Variants in HEATR1 observed in about 807,000 individuals in gnomAD.
HEATR1 encodes the protein HEAT repeat-containing protein 1.
A neutral mutation model predicts 248.2 loss-of-function variants in HEATR1; 77 were observed. That is an observed-to-expected ratio of 0.31 (90% CI 0.26 to 0.37). HEATR1 has a LOEUF of 0.37. HEATR1 is among the 10% of genes least tolerant of loss of function. HEATR1 has a pLI of 1.00. For missense variants in HEATR1, 2,420 were observed against 2,504.9 expected, an observed-to-expected ratio of 0.97 and a Z score of 0.72; for synonymous variants, 897 against 923.1, an observed-to-expected ratio of 0.97 and a Z score of 0.51.
chr1:236,593,755 T>C (rs1272799855), intron 9 of HEATR1, among the ~76,000 whole-genome samples: 3 of 152,198 alleles, frequency 2.0e-5, no homozygotes, highest in African/African-American at 2.4e-5. Context: ...GGCCACAAAC[T>C]GCATTTAGTT....
At chr1:236,592,164 A>G in intron 10 of HEATR1, 54 bp from the exon 11 acceptor site, 1 of 860,474 alleles carries the variant, frequency 1.2e-6, no homozygotes, top group Non-Finnish European at 1.9e-6. Context: ...TATTAATCTC[A>G]TACACCATAC....
At chr1:236,601,614 T>C (rs541305144) in intron 3 of HEATR1, among the ~76,000 whole-genome samples, 2 of 151,856 alleles carry the variant, frequency 1.3e-5, no homozygotes, top group South Asian at 2.1e-4. Context: ...CAGACCAGCC[T>C]GGGCAACAAA....
In HEATR1 at chr1:236,564,656, T is replaced by A. The variant is rs1012986973; in HGVS notation, c.4441A>T (p.Ile1481Phe). 4.7e-5 allele frequency: 75 copies of A among 1,610,036 alleles called. No homozygotes were observed. The highest frequency in any genetic ancestry group is 5.2e-5 in the Non-Finnish European group (61 of 1,178,938). The change falls in exon 32 of 45, where the codon ATT (isoleucine) becomes TTT (phenylalanine). Residue 1481 changes from isoleucine (I) to phenylalanine (F), a missense_variant. Physicochemically the swap from Ile to Phe is conservative, Grantham distance 21 (BLOSUM62 0). Transcript: ENST00000366582. ...TTATTAAATGACACTGCTTTGGGAATGGTTTCTGAAACAGCAATAAAACAA... is the reference window on the plus strand; with the variant it reads ...TTATTAAATGACACTGCTTTGGGAAAGGTTTCTGAAACAGCAATAAAACAA... ...LKLPEEKEET[I>F]PKAVSFNKSE...
chr1:236,574,383 T>C, intron 23 of HEATR1, 50 bp from the exon 24 acceptor site: 1 of 1,552,832 alleles, frequency 6.4e-7, no homozygotes, highest in Non-Finnish European at 8.7e-7. Flanking sequence ...AAGTTTAAAT[T>C]CCAGAAATAA....
intron 6 of HEATR1, 78 bp downstream of exon 6, chr1:236,596,758 A>T (rs1664187097): frequency 2.9e-6 from 4 of 1,374,070 alleles, no homozygotes; most frequent in African/African-American, 2.9e-5. Flanking sequence ...AAAAACACTT[A>T]AATCTAAAAA....
chr1:236,597,626 G>A (rs995829757), intron 5 of HEATR1, among the ~76,000 whole-genome samples: 1 of 151,374 alleles, frequency 6.6e-6, no homozygotes, highest in Non-Finnish European at 1.5e-5. Context: ...AATAGTCACT[G>A]TAACTAGAAT....
At chr1:236,576,697 A>G (rs2103138006) in intron 21 of HEATR1, 83 bp downstream of exon 21, 1 of 1,281,026 alleles carries the variant, frequency 7.8e-7, no homozygotes, top group East Asian at 2.4e-5. Flanking sequence ...AAATCCCTAC[A>G]CAGTGAAATG....
chr1:236,552,463 CGCCAGGCT>C (rs1301789162), intron 43 of HEATR1: 1 of 162,764 alleles, frequency 6.1e-6, no homozygotes, highest in Non-Finnish European at 1.3e-5. Flanking sequence ...CTCGCCAGCC[CGCCAGGCT>C]GGCAATAAAG....
intron 9 of HEATR1, among the ~76,000 whole-genome samples, chr1:236,593,339 C>T (rs1237440251): frequency 2.6e-5 from 4 of 152,100 alleles, no homozygotes; most frequent in Non-Finnish European, 5.9e-5. Flanking sequence ...ATTCTAGAGC[C>T]TATGTTCTCA....
intron 8 of HEATR1, among the ~76,000 whole-genome samples, chr1:236,594,547 G>A (rs922284520): frequency 6.6e-6 from 1 of 152,094 alleles, no homozygotes; most frequent in Non-Finnish European, 1.5e-5. Flanking sequence ...TCTGATCTTA[G>A]CCCTTGCTTT....
At position 236,593,995 on chromosome 1, in the gene HEATR1, CA is replaced by C; in HGVS notation, c.1193+16del. On this transcript the variant is annotated intron_variant, in intron 9 of 44. Transcript: ENST00000366582. ...ACAAAAATGTAAATCAAAAGCATGT[CA>C]AAAATAATAGCTTACCTAGCCAACA... 2 of 1,514,204 alleles carry C rather than the reference CA, an allele frequency of 1.3e-6. No homozygotes were observed. Among genetic ancestry groups the C allele is most frequent in the Non-Finnish European group, 1.8e-6 (2 of 1,113,024 alleles). 93.8% of individuals were successfully genotyped at this position (1,514,204 alleles called of 1,614,324 possible). A position where few individuals can be genotyped will look rare whatever the true frequency, so the allele number is the denominator to read the frequency against.
intron 42 of HEATR1, 102 bp from the exon 43 acceptor site, chr1:236,553,841 T>C: frequency 3.1e-6 from 4 of 1,278,166 alleles, no homozygotes; most frequent in Non-Finnish European, 4.3e-6. Flanking sequence ...TTCATGATAT[T>C]AGCAGGTTCA....
intron 38 of HEATR1, 63 bp downstream of exon 38, chr1:236,556,037 A>C: frequency 6.2e-7 from 1 of 1,607,158 alleles, no homozygotes; most frequent in Non-Finnish European, 8.5e-7. Context: ...TTTAAGTCAA[A>C]GTTTACACAT....
rs770985913 is a variant in HEATR1, at chr1:236,595,930, T to C, written c.859A>G (p.Ile287Val). Residue 287 changes from isoleucine (I) to valine (V), a missense_variant, in exon 7 of 45, where the codon ATC becomes GTC. Ile to Val is a conservative substitution (Grantham distance 29). Transcript: ENST00000366582. Reference sequence around the variant, plus strand: ...GAGGGAATCTTGGTCAATGTTTTGATGATCTGTGATGCCAATGAATTCACA... The same window carrying C: ...GAGGGAATCTTGGTCAATGTTTTGACGATCTGTGATGCCAATGAATTCACA... ...TFVNSLASQIIKTLTKIPSLI... is the reference protein window; with the variant it reads ...TFVNSLASQIVKTLTKIPSLI... 1.6e-5 allele frequency: 26 copies of C among 1,613,944 alleles called. No individual in the cohort carries two copies. The South Asian group carries it at 2.4e-4, about 15-fold the overall frequency.
At position 236,592,637 on chromosome 1, in the gene HEATR1, TAAAA is replaced by T. The variant is rs67239913; in HGVS notation, c.1194-8_1194-5del. 1 of 864,386 alleles carries T rather than the reference TAAAA, an allele frequency of 1.2e-6. No individual in the cohort carries two copies. The highest frequency in any genetic ancestry group is 1.7e-5 in the South Asian group (1 of 59,380). 53.5% of individuals were successfully genotyped at this position (864,386 alleles called of 1,614,324 possible). A position where few individuals can be genotyped will look rare whatever the true frequency, so the allele number is the denominator to read the frequency against. The stretch of plus-strand genomic sequence containing the variant: ...AATATACTCTTCAAATAGAAGGCTG[TAAAA>T]AAAAAAACAGAAATATCAGCATACA... On this transcript the variant is annotated splice_region_variant and splice_polypyrimidine_tract_variant and intron_variant, in intron 9 of 44. Coordinates refer to ENST00000366582, the MANE Select transcript of HEATR1 (RefSeq NM_018072.6).
rs943193393 is a variant in HEATR1, at chr1:236,550,855, A to T, written c.*47T>A. ...CCAACACCCAAAAATAAAAATATGAAATATGAGTGTGAACTCTGAGTAGAG... is the reference window on the plus strand; with the variant it reads ...CCAACACCCAAAAATAAAAATATGATATATGAGTGTGAACTCTGAGTAGAG... On this transcript the variant is annotated 3_prime_UTR_variant, in exon 45 of 45. Transcript: ENST00000366582. 4.9e-6 allele frequency: 7 copies of T among 1,418,784 alleles called. No individual in the cohort carries two copies. In the African/African-American group the frequency reaches 7.2e-5, roughly 15 times the overall value. The allele number at this position is 1,418,784 out of a possible 1,614,324, so 87.9% of individuals were successfully genotyped here.
At chr1:236,562,547 CA>C (rs1042362315) in intron 32 of HEATR1, among the ~76,000 whole-genome samples, 1 of 152,218 alleles carries the variant, frequency 6.6e-6, no homozygotes, top group African/African-American at 2.4e-5. Context: ...CCTATGCCTG[CA>C]TGTGTTTCTG....
chr1:236,554,343 G>A (rs968256070), intron 42 of HEATR1, among the ~76,000 whole-genome samples: 6 of 152,176 alleles, frequency 3.9e-5, no homozygotes, highest in African/African-American at 1.2e-4. Context: ...AGCGAGCCGA[G>A]ATTGCACCAC....
intron 43 of HEATR1, chr1:236,553,047 C>T (rs1662826700): frequency 6.6e-6 from 1 of 152,224 alleles, no homozygotes; most frequent in Non-Finnish European, 1.5e-5. Flanking sequence ...AATGGTGACT[C>T]ATTGCTAAAA....
Sources: allele counts gnomAD v4.1 joint callset (sites outside exome capture counted in the v4.1 genomes callset), GRCh38; gene constraint gnomAD v4.1.1; transcripts MANE v1.5; gene names NCBI Gene and HGNC (gene_info 2026-07-23, HGNC 2026-07-21).